The following NFIB variants were observed in gnomAD, a reference collection of about 807,000 sequenced individuals.
The protein encoded by NFIB is nuclear factor I B.
NFIB carries 11 observed loss-of-function variants against 61.5 expected under a neutral mutation model. The observed-to-expected ratio is 0.18, with a 90% CI of 0.11 to 0.30. NFIB has a LOEUF of 0.30. NFIB is among the 10% of genes least tolerant of loss of function. The probability of loss-of-function intolerance (pLI) is 1.00; values close to 1 mark genes in which losing one functional copy is unlikely to be tolerated. For missense variants in NFIB, 471 were observed against 608.9 expected (o/e 0.77, Z 2.38); for synonymous variants, 260 against 216.5 (o/e 1.20, Z -1.76).
At chr9:14,094,614 C>T (rs922241063) in intron 10 of NFIB, among the ~76,000 whole-genome samples, 21 of 151,998 alleles carry the variant, frequency 1.4e-4, no homozygotes, top group African/African-American at 4.6e-4. Context: ...TAATCTGTAT[C>T]AGAAAGCTCC....
At chr9:14,451,390 C>T in the NFIB span, among the ~76,000 whole-genome samples, 1 of 152,102 alleles carries the variant, frequency 6.6e-6, no homozygotes, top group Non-Finnish European at 1.5e-5. Context: ...ATATATTGAA[C>T]CTTAATGTGC....
At chr9:14,248,430 C>T (rs750330582) in intron 2 of NFIB, among the ~76,000 whole-genome samples, 10 of 151,904 alleles carry the variant, frequency 6.6e-5, no homozygotes, top group Admixed American at 2.6e-4. Flanking sequence ...ACCACCATGT[C>T]GGACTAATCT....
chr9:14,422,663 G>T, the NFIB span, among the ~76,000 whole-genome samples: 1 of 152,184 alleles, frequency 6.6e-6, no homozygotes, highest in African/African-American at 2.4e-5. Context: ...ATTCAGATTG[G>T]CTCAGCATAG....
At chr9:14,523,640 T>C in the NFIB span, among the ~76,000 whole-genome samples, 1 of 152,200 alleles carries the variant, frequency 6.6e-6, no homozygotes, top group African/African-American at 2.4e-5. Flanking sequence ...AAAGCTCATT[T>C]ATTCCAAAGT....
chr9:14,450,463 GT>G, the NFIB span, among the ~76,000 whole-genome samples: 190 of 152,228 alleles, frequency 1.2e-3, 1 homozygote, highest in African/African-American at 4.3e-3. Context: ...CTATTATCCT[GT>G]CTTCATTTAT....
upstream of NFIB, chr9:14,314,319 G>A (rs1332361315): frequency 3.9e-5 from 8 of 205,414 alleles, no homozygotes; most frequent in South Asian, 1.6e-4. Context: ...GGTCTTCGGC[G>A]CCCGGCCGCC....
At chr9:14,492,705 C>G in the NFIB span, among the ~76,000 whole-genome samples, 1 of 152,252 alleles carries the variant, frequency 6.6e-6, no homozygotes, top group East Asian at 1.9e-4. Context: ...ACAATCACCT[C>G]CCACCAGGCC....
At chr9:14,222,679 C>A (rs1020191556) in intron 2 of NFIB, among the ~76,000 whole-genome samples, 7 of 150,620 alleles carry the variant, frequency 4.6e-5, no homozygotes, top group Admixed American at 1.3e-4. Flanking sequence ...CCTATGGTCC[C>A]AGCCACTTGG....
the NFIB span, among the ~76,000 whole-genome samples, chr9:14,497,333 A>T: frequency 6.6e-6 from 1 of 152,224 alleles, no homozygotes; most frequent in Non-Finnish European, 1.5e-5. Context: ...TGTAAATAAA[A>T]GTTATTACAG....
the NFIB span, among the ~76,000 whole-genome samples, chr9:14,492,164 C>A: frequency 6.6e-6 from 1 of 151,958 alleles, no homozygotes; most frequent in Non-Finnish European, 1.5e-5. Flanking sequence ...GAGATCGAGA[C>A]CATCCTGGAT....
intron 1 of NFIB, among the ~76,000 whole-genome samples, chr9:14,363,039 T>C (rs2061258082): frequency 6.6e-6 from 1 of 152,200 alleles, no homozygotes; most frequent in Admixed American, 6.5e-5. Context: ...ATATTTGTAA[T>C]TTTACATTCA....
At chr9:14,226,889 C>T (rs1193692394) in intron 2 of NFIB, among the ~76,000 whole-genome samples, 1 of 151,824 alleles carries the variant, frequency 6.6e-6, no homozygotes, top group Non-Finnish European at 1.5e-5. Flanking sequence ...CCTGTAATCC[C>T]GGCACTTTGG....
chr9:14,250,744 A>G (rs1415167987), intron 2 of NFIB, among the ~76,000 whole-genome samples: 4 of 152,232 alleles, frequency 2.6e-5, no homozygotes, highest in African/African-American at 7.2e-5. Context: ...TGTCAATTAT[A>G]TTTTATTTTA....
Position 14,313,708 on chromosome 9 carries a change from C to CA in NFIB, c.-198_-197insT. Reference sequence around the variant, plus strand: ...CAAAGATTCAAGTTCACTCGGCGTGCTAGATTTCCAGGGGTGAAATCCAAT... The same window carrying CA: ...CAAAGATTCAAGTTCACTCGGCGTGCATAGATTTCCAGGGGTGAAATCCAAT... On this transcript the variant is annotated 5_prime_UTR_variant, in exon 1 of 11. It adds an upstream start codon to the 5' untranslated region. Coordinates refer to ENST00000380953, the MANE Select transcript of NFIB (RefSeq NM_001190737.2). The surrounding 1 kb of genome is among the most constrained non-coding windows in gnomAD (Gnocchi z 4.5). 7.0e-7 allele frequency: 1 copy of CA among 1,421,316 alleles called. No individual in the cohort carries two copies. Among genetic ancestry groups the CA allele is most frequent in the Non-Finnish European group, 9.2e-7 (1 of 1,088,432 alleles). 88.0% of individuals were successfully genotyped at this position (1,421,316 alleles called of 1,614,324 possible).
the NFIB span, among the ~76,000 whole-genome samples, chr9:14,465,116 A>G: frequency 7.9e-4 from 120 of 152,334 alleles, no homozygotes; most frequent in African/African-American, 2.8e-3. Flanking sequence ...TTCACTGTAG[A>G]GACCTTTGTA....
At chr9:14,479,583 G>C in the NFIB span, among the ~76,000 whole-genome samples, 1 of 152,178 alleles carries the variant, frequency 6.6e-6, no homozygotes, top group African/African-American at 2.4e-5. Flanking sequence ...AGTACTATTT[G>C]GGGAATGGAA....
intron 2 of NFIB, among the ~76,000 whole-genome samples, chr9:14,191,924 A>C (rs2047992238): frequency 6.6e-6 from 1 of 152,222 alleles, no homozygotes; most frequent in Non-Finnish European, 1.5e-5. Flanking sequence ...TATGCTGCAT[A>C]CTCAACCTCC....
Position 14,082,784 on chromosome 9 carries a change from A to G in NFIB, c.*5525T>C, listed in dbSNP as rs2032205627. 6.1e-5 allele frequency: 12 copies of G among 196,500 alleles called. No individual in the cohort carries two copies. The highest frequency in any genetic ancestry group is 1.6e-4 in the East Asian group (2 of 12,506). 12.2% of individuals were successfully genotyped at this position (196,500 alleles called of 1,614,324 possible). On this transcript the variant is annotated 3_prime_UTR_variant, in exon 11 of 11. Coordinates refer to ENST00000380953, the MANE Select transcript of NFIB (RefSeq NM_001190737.2). ...GCCATACTTCTTAAAAAAAAAAAAA[A>G]GAAAAAAAAAGACTTCCTTCTGCAT...
intron 2 of NFIB, among the ~76,000 whole-genome samples, chr9:14,289,380 A>G (rs2058943946): frequency 6.6e-6 from 1 of 151,606 alleles, no homozygotes; most frequent in South Asian, 2.1e-4. Context: ...ACACCTGATC[A>G]CTGTCATCTA....
Sources: allele counts gnomAD v4.1 joint callset (sites outside exome capture counted in the v4.1 genomes callset), GRCh38; gene constraint gnomAD v4.1.1; non-coding constraint Gnocchi (gnomAD v3.1); transcripts MANE v1.5; gene names NCBI Gene and HGNC (gene_info 2026-07-23, HGNC 2026-07-21).